GPC5: variants seen among roughly 807,000 people sequenced by gnomAD.
GPC5 encodes glypican-5.
In GPC5, 47 loss-of-function variants were observed where a neutral mutation model predicts 53.9. That is an observed-to-expected ratio of 0.87 (90% CI 0.69 to 1.11). The LOEUF is 1.11. Ranked by LOEUF, GPC5 falls within the 50% of genes most tolerant of loss-of-function variation. The pLI is 0.00. For synonymous variants in GPC5, 286 were observed against 263.3 expected (o/e 1.09, Z -0.84); for missense variants, 748 against 713.1 (o/e 1.05, Z -0.56).
chr13:92,313,674 A>G (rs1246450589), intron 7 of GPC5, among the ~76,000 whole-genome samples: 1 of 152,144 alleles, frequency 6.6e-6, no homozygotes, highest in African/African-American at 2.4e-5. Flanking sequence ...CTGTTGGATG[A>G]GCCTCCCAAC....
At chr13:92,227,536 A>C (rs1234298169) in intron 7 of GPC5, among the ~76,000 whole-genome samples, 1 of 152,204 alleles carries the variant, frequency 6.6e-6, no homozygotes, top group Non-Finnish European at 1.5e-5. Flanking sequence ...AGAGCCAAAG[A>C]TCACCAGGAA....
At chr13:92,677,782 A>G (rs1886995953) in intron 7 of GPC5, among the ~76,000 whole-genome samples, 1 of 150,496 alleles carries the variant, frequency 6.6e-6, no homozygotes, top group African/African-American at 2.4e-5. Flanking sequence ...CACCCCACCC[A>G]TGTGCTTTAT....
At chr13:92,573,577 CGAACA>C (rs1396253480) in intron 7 of GPC5, among the ~76,000 whole-genome samples, 2 of 151,794 alleles carry the variant, frequency 1.3e-5, no homozygotes, top group Non-Finnish European at 2.9e-5. Context: ...TCCTTTCTCC[CGAACA>C]GTGAGTACAT....
At chr13:92,585,609 G>A (rs1883512345) in intron 7 of GPC5, among the ~76,000 whole-genome samples, 1 of 152,146 alleles carries the variant, frequency 6.6e-6, no homozygotes, top group African/African-American at 2.4e-5. Flanking sequence ...TGGGACCGTT[G>A]GGAAGGCATG....
intron 7 of GPC5, among the ~76,000 whole-genome samples, chr13:92,678,832 AAGAT>A (rs2139219317): frequency 6.6e-6 from 1 of 152,142 alleles, no homozygotes; most frequent in South Asian, 2.1e-4. Flanking sequence ...ACCTAGGAAA[AAGAT>A]AGGATGATTT....
chr13:91,832,186 T>C (rs2038668011), intron 5 of GPC5, among the ~76,000 whole-genome samples: 1 of 152,084 alleles, frequency 6.6e-6, no homozygotes, highest in African/African-American at 2.4e-5. Context: ...GCTCTTCTTG[T>C]TGCATTGATC....
At chr13:91,999,197 T>A (rs1179864434) in intron 6 of GPC5, among the ~76,000 whole-genome samples, 2 of 107,574 alleles carry the variant, frequency 1.9e-5, no homozygotes, top group African/African-American at 8.6e-5. Context: ...CTTAAGTGCA[T>A]CAAAATAACC....
intron 7 of GPC5, among the ~76,000 whole-genome samples, chr13:92,196,043 G>A (rs944246210): frequency 6.6e-6 from 1 of 152,128 alleles, no homozygotes; most frequent in Non-Finnish European, 1.5e-5. Flanking sequence ...GGCGCTCAGG[G>A]CAAAGTGGAA....
At chr13:91,519,479 T>G (rs1481258850) in intron 2 of GPC5, among the ~76,000 whole-genome samples, 1 of 152,142 alleles carries the variant, frequency 6.6e-6, no homozygotes, top group East Asian at 1.9e-4. Flanking sequence ...GAGTGAGTTC[T>G]CTTGAGATCC....
intron 7 of GPC5, among the ~76,000 whole-genome samples, chr13:92,619,083 CTT>C (rs930951449): frequency 1.8e-4 from 27 of 151,942 alleles, no homozygotes; most frequent in African/African-American, 6.3e-4. Flanking sequence ...AAATTACTCA[CTT>C]TGTGTTTAAA....
intron 2 of GPC5, among the ~76,000 whole-genome samples, chr13:91,619,578 T>G (rs1408239063): frequency 6.6e-6 from 1 of 152,130 alleles, no homozygotes; most frequent in African/African-American, 2.4e-5. Context: ...TTTCAACAAA[T>G]GATTCAGACC....
intron 7 of GPC5, among the ~76,000 whole-genome samples, chr13:92,837,078 A>G (rs769223967): frequency 4.6e-5 from 7 of 152,212 alleles, no homozygotes; most frequent in Non-Finnish European, 1.0e-4. Context: ...GGTAAAAAGA[A>G]AACCTTGCAA....
At chr13:91,512,300 C>T (rs1018444522) in intron 2 of GPC5, among the ~76,000 whole-genome samples, 4 of 152,190 alleles carry the variant, frequency 2.6e-5, no homozygotes, top group Non-Finnish European at 4.4e-5. Context: ...CTGTCCTTCC[C>T]GTAGCTTTCT....
At chr13:91,859,426 G>A (rs1288345040) in intron 5 of GPC5, among the ~76,000 whole-genome samples, 2 of 151,874 alleles carry the variant, frequency 1.3e-5, no homozygotes, top group South Asian at 2.1e-4. Flanking sequence ...AGGCTACTAT[G>A]AGCAACCATA....
intron 7 of GPC5, among the ~76,000 whole-genome samples, chr13:92,192,142 A>G (rs557292426): frequency 6.6e-6 from 1 of 152,092 alleles, no homozygotes; most frequent in Non-Finnish European, 1.5e-5. Context: ...GCTATTCTGT[A>G]TGAAGCTACA....
chr13:91,508,242 TGA>T (rs1885050369), intron 2 of GPC5, among the ~76,000 whole-genome samples: 1 of 152,172 alleles, frequency 6.6e-6, no homozygotes, highest in African/African-American at 2.4e-5. Context: ...GAATTAGATG[TGA>T]GAGATGCTAA....
intron 7 of GPC5, among the ~76,000 whole-genome samples, chr13:92,498,371 C>T (rs1362228821): frequency 6.6e-6 from 1 of 152,058 alleles, no homozygotes; most frequent in Non-Finnish European, 1.5e-5. Context: ...AGGCATTTTT[C>T]CCTTTCCAGT....
At chr13:92,510,277 C>A (rs1316826021) in intron 7 of GPC5, among the ~76,000 whole-genome samples, 5 of 152,106 alleles carry the variant, frequency 3.3e-5, no homozygotes, top group Non-Finnish European at 7.4e-5. Flanking sequence ...TCTTGGCCCA[C>A]TTTCAAGTAA....
chr13:91,442,726 A>T (rs559574842), intron 1 of GPC5, among the ~76,000 whole-genome samples: 1 of 152,242 alleles, frequency 6.6e-6, no homozygotes, highest in East Asian at 1.9e-4. Flanking sequence ...CTTCGGCAAG[A>T]CGTTAGTTGG....
Sources: gnomAD v4.1 joint callset for allele counts (sites outside exome capture counted in the v4.1 genomes callset) on GRCh38, gnomAD v4.1.1 for gene constraint, MANE v1.5 for transcripts, NCBI Gene and HGNC (gene_info 2026-07-23, HGNC 2026-07-21) for gene names.